The following WDFY4 variants were observed in gnomAD, a reference collection of about 807,000 sequenced individuals.
WDFY4 encodes the protein WDFY family member 4.
In WDFY4, 169 loss-of-function variants were observed where a neutral mutation model predicts 351.9. That is an observed-to-expected ratio of 0.48 (90% CI 0.42 to 0.55). WDFY4 has a LOEUF of 0.55. Ranked by LOEUF, WDFY4 falls within the 20% of genes least tolerant of loss-of-function variation. WDFY4 has a pLI of 0.00. For synonymous variants in WDFY4, 1,622 were observed against 1,574.6 expected (o/e 1.03, Z -0.71); for missense variants, 3,803 against 3,935.6 (o/e 0.97, Z 0.90).
At chr10:48,805,449 G>C in intron 26 of WDFY4, 28 bp downstream of exon 26, 3 of 1,543,962 alleles carry the variant, frequency 1.9e-6, no homozygotes, top group Non-Finnish European at 2.6e-6. Context: ...CCAGGGGGAA[G>C]AGCAGGGCCC....
intron 47 of WDFY4, among the ~76,000 whole-genome samples, chr10:48,920,651 G>A (rs1838990170): frequency 6.6e-6 from 1 of 152,150 alleles, no homozygotes; most frequent in Non-Finnish European, 1.5e-5. Flanking sequence ...GTATTACTTT[G>A]GAAATTCTAA....
intron 2 of WDFY4, among the ~76,000 whole-genome samples, chr10:48,717,986 T>A (rs1348559055): frequency 3.3e-5 from 5 of 152,202 alleles, no homozygotes; most frequent in African/African-American, 7.2e-5. Flanking sequence ...TTCTTCAAAG[T>A]GTTCTTCCAA....
intron 51 of WDFY4, among the ~76,000 whole-genome samples, chr10:48,950,757 G>A (rs557338185): frequency 5.3e-4 from 81 of 152,296 alleles, no homozygotes; most frequent in African/African-American, 1.9e-3. Flanking sequence ...GGAGTCCCTC[G>A]TGCAGCATCA....
rs529138074 is a variant in WDFY4 at position 48,823,494 on chromosome 10, G to A, written c.5982+957G>A. Reference sequence around the variant, plus strand: ...AGTCACCCACAGACCTCAGGACTGGGCCTCTTCACAGTTTCTAGAGCCATC... The same window carrying A: ...AGTCACCCACAGACCTCAGGACTGGACCTCTTCACAGTTTCTAGAGCCATC... On this transcript the variant is annotated intron_variant, in intron 35 of 61. Coordinates refer to ENST00000325239, the MANE Select transcript of WDFY4 (RefSeq NM_001394531.1). The A allele has an allele frequency of 1.2e-5, 14 of 1,156,700 alleles. No homozygotes were observed. In the South Asian group the frequency reaches 2.2e-4, roughly 18 times the overall value. The allele number at this position is 1,156,700 out of a possible 1,614,324, so 71.7% of individuals were successfully genotyped here. A position where few individuals can be genotyped will look rare whatever the true frequency, so the allele number is the denominator to read the frequency against.
At position 48,709,018 on chromosome 10, in the gene WDFY4, C is replaced by A. The variant is rs868127183; in HGVS notation, c.-17-698C>A. On this transcript the variant is annotated intron_variant, in intron 1 of 61. Transcript: ENST00000325239. ...AACAAACAAACAACACCCCCCCCCCCCAAACAGGCTTTAGTGTGAAAGTTT... is the reference window on the plus strand; with the variant it reads ...AACAAACAAACAACACCCCCCCCCCACAAACAGGCTTTAGTGTGAAAGTTT... 1.1e-4 allele frequency among the ~76,000 whole-genome samples: 17 copies of A among 151,690 alleles called. No individual in the cohort carries two copies. The Middle Eastern group carries it at 0.014, about 121-fold the overall frequency.
chr10:48,732,320 G>A (rs1364524196), intron 9 of WDFY4, among the ~76,000 whole-genome samples: 1 of 152,056 alleles, frequency 6.6e-6, no homozygotes, highest in Non-Finnish European at 1.5e-5. Context: ...CAGCTCCTCT[G>A]GTCTTTCCCT....
intron 47 of WDFY4, among the ~76,000 whole-genome samples, chr10:48,925,282 C>T (rs1839474376): frequency 6.6e-6 from 1 of 152,174 alleles, no homozygotes; most frequent in African/African-American, 2.4e-5. Flanking sequence ...TGGTCATGCT[C>T]CCTCTAAAGA....
chr10:48,840,597 G>A (rs1237177008), intron 39 of WDFY4, among the ~76,000 whole-genome samples: 1 of 152,138 alleles, frequency 6.6e-6, no homozygotes, highest in Non-Finnish European at 1.5e-5. Flanking sequence ...ACACCAGTGA[G>A]AAGGAAGCGG....
intron 23 of WDFY4, among the ~76,000 whole-genome samples, chr10:48,794,833 G>A (rs903919892): frequency 1.3e-5 from 2 of 152,172 alleles, no homozygotes; most frequent in Admixed American, 6.5e-5. Flanking sequence ...CTTTCTGAGG[G>A]AGGTAGCCAG....
intron 52 of WDFY4, among the ~76,000 whole-genome samples, chr10:48,958,074 C>T (rs1445719585): frequency 6.6e-6 from 1 of 152,192 alleles, no homozygotes; most frequent in African/African-American, 2.4e-5. Flanking sequence ...TCTCCTTCTG[C>T]CTCCGGACAG....
At chr10:48,690,432 C>A (rs950064123) in intron 1 of WDFY4, among the ~76,000 whole-genome samples, 2 of 152,130 alleles carry the variant, frequency 1.3e-5, no homozygotes, top group Admixed American at 6.5e-5. Flanking sequence ...GCCAGTGGCA[C>A]CTTTGCCTGA....
At chr10:48,867,739 A>T (rs1462556447) in intron 40 of WDFY4, among the ~76,000 whole-genome samples, 2 of 152,364 alleles carry the variant, frequency 1.3e-5, no homozygotes, top group Admixed American at 6.5e-5. Flanking sequence ...TAGAGAATGG[A>T]TAACCCATGT....
intron 42 of WDFY4, 71 bp from the exon 43 acceptor site, chr10:48,876,962 A>T: frequency 7.2e-7 from 1 of 1,392,542 alleles, no homozygotes; most frequent in Non-Finnish European, 9.4e-7. Flanking sequence ...ATGTAGGCAC[A>T]TGCTGTGCAC....
At chr10:48,759,855 T>C (rs925302772) in intron 12 of WDFY4, among the ~76,000 whole-genome samples, 1 of 152,222 alleles carries the variant, frequency 6.6e-6, no homozygotes, top group Non-Finnish European at 1.5e-5. Context: ...GGCTACCATT[T>C]ACTTTCCAGA....
At chr10:48,912,179 C>T (rs1838066656) in intron 47 of WDFY4, among the ~76,000 whole-genome samples, 2 of 152,340 alleles carry the variant, frequency 1.3e-5, no homozygotes, top group East Asian at 3.9e-4. Context: ...GACTTGGTTG[C>T]TGTCATTTTC....
At chr10:48,790,490 C>T (rs746121674) in intron 22 of WDFY4, among the ~76,000 whole-genome samples, 2 of 152,208 alleles carry the variant, frequency 1.3e-5, no homozygotes, top group Non-Finnish European at 2.9e-5. Flanking sequence ...ATCTGAAATA[C>T]TCTGGGCTGT....
intron 2 of WDFY4, among the ~76,000 whole-genome samples, chr10:48,719,632 G>A (rs1473169270): frequency 6.6e-6 from 1 of 152,226 alleles, no homozygotes. Context: ...AAACAGGAGG[G>A]GCTGGGTGAG....
intron 1 of WDFY4, among the ~76,000 whole-genome samples, chr10:48,703,728 G>A (rs2063544812): frequency 6.6e-6 from 1 of 152,186 alleles, no homozygotes; most frequent in Admixed American, 6.5e-5. Flanking sequence ...GATGAAAACA[G>A]TCATCAAAAT....
At chr10:48,734,480 G>A (rs76124517) in intron 10 of WDFY4, among the ~76,000 whole-genome samples, 4 of 151,036 alleles carry the variant, frequency 2.6e-5, no homozygotes, top group East Asian at 1.9e-4. Flanking sequence ...TTCTTTTAGC[G>A]TCCTAAGATC....
Sources: allele counts gnomAD v4.1 joint callset (sites outside exome capture counted in the v4.1 genomes callset), GRCh38; gene constraint gnomAD v4.1.1; transcripts MANE v1.5; gene names NCBI Gene and HGNC (gene_info 2026-07-23, HGNC 2026-07-21).